THAP10: variants seen among roughly 807,000 people sequenced by gnomAD.
The protein encoded by THAP10 is THAP domain containing 10.
In THAP10, 10 loss-of-function variants were observed where a neutral mutation model predicts 15.7. That is an observed-to-expected ratio of 0.64 (90% CI 0.39 to 1.08). THAP10 has a LOEUF of 1.08. Ranked by LOEUF, THAP10 falls within the 50% of genes least tolerant of loss-of-function variation. THAP10 has a pLI of 0.01. For synonymous variants in THAP10, 127 were observed against 129.1 expected (o/e 0.98, Z 0.11); for missense variants, 310 against 330.9 (o/e 0.94, Z 0.49).
Position 70,882,416 on chromosome 15 carries a change from A to G in THAP10, c.*38T>C. Reference sequence around the variant, plus strand: ...AGATAATTATGTGAGTAAAGATTTGAAAATCTATAGCACATCAGAGCATTT... The same window carrying G: ...AGATAATTATGTGAGTAAAGATTTGGAAATCTATAGCACATCAGAGCATTT... On this transcript the variant is annotated 3_prime_UTR_variant, in exon 3 of 3. Coordinates refer to ENST00000249861, the MANE Select transcript of THAP10 (RefSeq NM_020147.4). The G allele has an allele frequency of 6.8e-7, 1 of 1,470,030 alleles. No homozygotes were observed. The highest frequency in any genetic ancestry group is 2.5e-4 in the Middle Eastern group (1 of 4,018). 91.1% of individuals were successfully genotyped at this position (1,470,030 alleles called of 1,614,324 possible).
chr15:70,891,565 CTCTGTGTGTGTGTGTGTG>C (rs2033565862), intron 1 of THAP10, among the ~76,000 whole-genome samples: 1 of 118,954 alleles, frequency 8.4e-6, no homozygotes, highest in African/African-American at 3.0e-5. Context: ...CAGGACAAGA[CTCTGTGTGTGTGTGTGTG>C]TGTGTGTGTG....
chr15:70,883,104 A>G (rs560972369), intron 1 of THAP10, among the ~76,000 whole-genome samples, 196 bp from the exon 2 acceptor site: 3 of 152,216 alleles, frequency 2.0e-5, no homozygotes, highest in African/African-American at 4.8e-5. Flanking sequence ...TTTTCCACTT[A>G]TAAATCATGA....
chr15:70,886,578 G>C (rs1400717856), intron 1 of THAP10, among the ~76,000 whole-genome samples: 2 of 152,112 alleles, frequency 1.3e-5, no homozygotes, highest in Middle Eastern at 3.2e-3. Flanking sequence ...AATAAAAATT[G>C]ATAAACCGGT....
chr15:70,888,912 C>G (rs2141090166), intron 1 of THAP10, among the ~76,000 whole-genome samples: 1 of 152,280 alleles, frequency 6.6e-6, no homozygotes, highest in East Asian at 1.9e-4. Flanking sequence ...TTACTACGCA[C>G]TCTGCAAATG....
chr15:70,889,182 C>G (rs2033487155), intron 1 of THAP10, among the ~76,000 whole-genome samples: 1 of 151,958 alleles, frequency 6.6e-6, no homozygotes, highest in South Asian at 2.1e-4. Context: ...GGTAAAAACC[C>G]AAATGTTCAA....
Position 70,891,991 on chromosome 15 carries a change from G to C in THAP10, c.282C>G (p.Ala94=), listed in dbSNP as rs1033802579. Reference sequence around the variant, plus strand: ...CCTCCTCTCCCCTCTTAGGTGCCGGGGCGGGCACCCGGTGCAGGGTGGGCA... The same window carrying C: ...CCTCCTCTCCCCTCTTAGGTGCCGGCGCGGGCACCCGGTGCAGGGTGGGCA... ...GAVPTLHRVP[A]PAPKRGEEGD... The change falls in exon 1 of 3, where the codon GCC becomes GCG. Residue 94 remains alanine, a synonymous_variant. Transcript: ENST00000249861. 11 of 1,613,192 alleles carry C rather than the reference G, an allele frequency of 6.8e-6. No homozygotes were observed. The highest frequency in any genetic ancestry group is 1.7e-5 in the Admixed American group (1 of 59,952).
intron 1 of THAP10, among the ~76,000 whole-genome samples, chr15:70,890,683 G>A (rs1001964070): frequency 6.6e-6 from 1 of 152,186 alleles, no homozygotes; most frequent in Non-Finnish European, 1.5e-5. Flanking sequence ...CAAGGGGAAA[G>A]ATGTTTAGCT....
At chr15:70,891,743 G>A (rs146241544) in intron 1 of THAP10, 101 bp downstream of exon 1, 4 of 1,107,406 alleles carry the variant, frequency 3.6e-6, no homozygotes, top group East Asian at 2.6e-5. Flanking sequence ...TTAGAAAACA[G>A]GAACTTTCGA....
intron 1 of THAP10, among the ~76,000 whole-genome samples, chr15:70,884,716 T>C (rs912632676): frequency 6.6e-6 from 1 of 152,116 alleles, no homozygotes; most frequent in African/African-American, 2.4e-5. Flanking sequence ...CACATATTTC[T>C]TTACAAAAAG....
At chr15:70,883,999 A>C (rs2033336647) in intron 1 of THAP10, among the ~76,000 whole-genome samples, 1 of 152,080 alleles carries the variant, frequency 6.6e-6, no homozygotes, top group Non-Finnish European at 1.5e-5. Context: ...TGAGAGGTAG[A>C]AAGAAGGAGG....
chr15:70,891,999 C>A lies in THAP10; in HGVS notation c.274G>T (p.Val92Leu). The A allele has an allele frequency of 6.2e-7, 1 of 1,613,072 alleles. No individual in the cohort carries two copies. The change falls in exon 1 of 3, where the codon GTG (valine) becomes TTG (leucine). Residue 92 changes from valine (V) to leucine (L), a missense_variant. By Grantham distance (32) the Val-to-Leu change is conservative (BLOSUM62 1). Transcript: ENST00000249861. ...VAGAVPTLHR[V>L]PAPAPKRGEE... ...CCCCTCTTAGGTGCCGGGGCGGGCA[C>A]CCGGTGCAGGGTGGGCACGGCGCCT...
At chr15:70,890,637 G>C (rs1249814528) in intron 1 of THAP10, among the ~76,000 whole-genome samples, 2 of 152,126 alleles carry the variant, frequency 1.3e-5, no homozygotes, top group Non-Finnish European at 2.9e-5. Flanking sequence ...GAATCACATG[G>C]AGTACACGAA....
chr15:70,891,615 G>A (rs2033572102), intron 1 of THAP10, among the ~76,000 whole-genome samples: 1 of 144,734 alleles, frequency 6.9e-6, no homozygotes, highest in Admixed American at 7.1e-5. Context: ...GTGTGTGTGT[G>A]TGTGAGTTTT....
At chr15:70,886,628 G>T (rs1294494712) in intron 1 of THAP10, among the ~76,000 whole-genome samples, 2 of 152,306 alleles carry the variant, frequency 1.3e-5, no homozygotes, top group East Asian at 3.9e-4. Flanking sequence ...AGCACTTTGG[G>T]AGGCTAAGGC....
At chr15:70,890,060 A>G (rs2033512119) in intron 1 of THAP10, among the ~76,000 whole-genome samples, 1 of 152,208 alleles carries the variant, frequency 6.6e-6, no homozygotes, top group Non-Finnish European at 1.5e-5. Context: ...TACTAAATGG[A>G]AAACAGATTT....
At chr15:70,891,502 C>A (rs559924742) in intron 1 of THAP10, among the ~76,000 whole-genome samples, 1 of 151,772 alleles carries the variant, frequency 6.6e-6, no homozygotes, top group Non-Finnish European at 1.5e-5. Flanking sequence ...TCAAATTAAA[C>A]CCTTTCTATT....
chr15:70,886,698 A>G (rs1595981772), intron 1 of THAP10, among the ~76,000 whole-genome samples: 1 of 151,940 alleles, frequency 6.6e-6, no homozygotes, highest in African/African-American at 2.4e-5. Flanking sequence ...AAACCCCATC[A>G]CTACTAAAAA....
At chr15:70,891,633 G>A (rs900065535) in intron 1 of THAP10, among the ~76,000 whole-genome samples, 7 of 148,164 alleles carry the variant, frequency 4.7e-5, no homozygotes, top group African/African-American at 1.7e-4. Context: ...TTTGGGGGAG[G>A]AGCAGTTAGA....
intron 1 of THAP10, among the ~76,000 whole-genome samples, chr15:70,891,474 C>G (rs2033560044): frequency 6.6e-6 from 1 of 152,104 alleles, no homozygotes; most frequent in Non-Finnish European, 1.5e-5. Flanking sequence ...TTCAAGCACT[C>G]CAATCCTGGA....
Sources: gnomAD v4.1 joint callset for allele counts (sites outside exome capture counted in the v4.1 genomes callset) on GRCh38, gnomAD v4.1.1 for gene constraint, MANE v1.5 for transcripts, NCBI Gene and HGNC (gene_info 2026-07-23, HGNC 2026-07-21) for gene names.